The following C13orf42 variants were observed in gnomAD, a reference collection of about 807,000 sequenced individuals.
C13orf42 encodes chromosome 13 open reading frame 42.
chr13:51,103,310 C>T (rs2137993305), intron 1 of C13orf42, among the ~76,000 whole-genome samples: 1 of 152,180 alleles, frequency 6.6e-6, no homozygotes, highest in Non-Finnish European at 1.5e-5. Context: ...CAGGGAGGAC[C>T]CCAAATGCCA....
At chr13:51,151,559 A>C (rs2138038803) in intron 1 of C13orf42, among the ~76,000 whole-genome samples, 1 of 152,358 alleles carries the variant, frequency 6.6e-6, no homozygotes, top group South Asian at 2.1e-4. Flanking sequence ...TTGTTCCAGC[A>C]GTAATAGGAA....
chr13:51,140,917 G>A (rs955842090), intron 1 of C13orf42, among the ~76,000 whole-genome samples: 1 of 151,938 alleles, frequency 6.6e-6, no homozygotes, highest in Non-Finnish European at 1.5e-5. Flanking sequence ...ACCAGCTCGT[G>A]TTCATTTCTG....
At chr13:51,171,452 C>T (rs1953950765) in intron 1 of C13orf42, among the ~76,000 whole-genome samples, 2 of 152,000 alleles carry the variant, frequency 1.3e-5, no homozygotes, top group Non-Finnish European at 2.9e-5. Context: ...CTTTCCCTCC[C>T]GCCTGTCCCC....
chr13:51,083,563 C>G lies in C13orf42; in HGVS notation c.*588G>C, dbSNP rs1000710590. ...CTCGTGACATACCCCTTCCCTCACC[C>G]CATTGCCAGGGCATTAGCCTCATCT... On this transcript the variant is annotated 3_prime_UTR_variant, in exon 4 of 4. Transcript: ENST00000563710. 1.3e-5 allele frequency: 2 copies of G among 152,234 alleles called. No individual in the cohort carries two copies. The highest frequency in any genetic ancestry group is 2.9e-5 in the Non-Finnish European group (2 of 68,052). 9.4% of individuals were successfully genotyped at this position (152,234 alleles called of 1,614,324 possible). A position where few individuals can be genotyped will look rare whatever the true frequency, so the allele number is the denominator to read the frequency against.
At chr13:51,159,430 T>TA (rs1953847794) in intron 1 of C13orf42, among the ~76,000 whole-genome samples, 1 of 152,168 alleles carries the variant, frequency 6.6e-6, no homozygotes, top group Non-Finnish European at 1.5e-5. Flanking sequence ...TTTCCTTGAG[T>TA]CACTGAGCTT....
At chr13:51,100,828 C>G (rs576976227) in intron 1 of C13orf42, among the ~76,000 whole-genome samples, 1 of 152,130 alleles carries the variant, frequency 6.6e-6, no homozygotes, top group Non-Finnish European at 1.5e-5. Flanking sequence ...GGAATCTCTG[C>G]TAAAAAATGC....
intron 1 of C13orf42, among the ~76,000 whole-genome samples, chr13:51,089,236 A>C (rs1193125798): frequency 6.6e-6 from 1 of 152,180 alleles, no homozygotes; most frequent in African/African-American, 2.4e-5. Context: ...TACTACTAAG[A>C]AACATTTTTA....
chr13:51,118,050 C>T, intron 1 of C13orf42, among the ~76,000 whole-genome samples: 1 of 152,106 alleles, frequency 6.6e-6, no homozygotes, highest in East Asian at 1.9e-4. Context: ...CACAAGGTAC[C>T]CAGAGCTGCA....
rs568663510 is a variant in C13orf42 at position 51,132,310 on chromosome 13, G to A, written n.137-19088C>T. 1.2e-4 allele frequency among the ~76,000 whole-genome samples: 18 copies of A among 152,112 alleles called. 1 individual carries two copies. Among genetic ancestry groups the A allele is most frequent in the South Asian group, 8.3e-4 (4 of 4,814 alleles). The stretch of plus-strand genomic sequence containing the variant: ...ACAAAAATTAGCTTGACGTGGTGGC[G>A]TAATCCTAGCTACTCAGGAGGCTGA... On this transcript the variant is annotated intron_variant and non_coding_transcript_variant, in intron 1 of 4. Coordinates refer to the C13orf42 transcript ENST00000433280.
chr13:51,124,059 A>G (rs1411730957), intron 1 of C13orf42, among the ~76,000 whole-genome samples: 2 of 152,196 alleles, frequency 1.3e-5, no homozygotes, highest in East Asian at 3.8e-4. Flanking sequence ...CACTATTGTG[A>G]ACCTAGGATC....
At position 51,149,087 on chromosome 13, in the gene C13orf42, C is replaced by T. The variant is rs867218266; in HGVS notation, n.136+23166G>A. Among the ~76,000 whole-genome samples the T allele has an allele frequency of 3.9e-5, 6 of 152,218 alleles. 2 individuals are homozygous for T. In the Middle Eastern group the frequency reaches 0.02, roughly 518 times the overall value. The stretch of plus-strand genomic sequence containing the variant: ...CTTCTGCAGAGGCCTTCTTGTGCTC[C>T]ACAAGAAGGGCTGGGCAAGAATTTC... On this transcript the variant is annotated intron_variant and non_coding_transcript_variant, in intron 1 of 4. Coordinates refer to the C13orf42 transcript ENST00000433280.
intron 1 of C13orf42, among the ~76,000 whole-genome samples, chr13:51,107,118 G>A (rs1006022962): frequency 2.6e-5 from 4 of 152,100 alleles, no homozygotes; most frequent in South Asian, 2.1e-4. Context: ...TCCTCCCATC[G>A]ACCCACATGG....
intron 1 of C13orf42, among the ~76,000 whole-genome samples, chr13:51,138,440 G>A (rs1026689805): frequency 6.6e-6 from 1 of 151,930 alleles, no homozygotes; most frequent in Non-Finnish European, 1.5e-5. Flanking sequence ...GTCAAAAGAA[G>A]ACATGCATAT....
intron 2 of C13orf42, among the ~76,000 whole-genome samples, chr13:51,087,068 G>A (rs1395372567): frequency 6.6e-6 from 1 of 152,224 alleles, no homozygotes; most frequent in African/African-American, 2.4e-5. Context: ...GGGCCAGTGA[G>A]CCCCCTGAAT....
chr13:51,153,621 G>GTTTTTTTTTTTTTTTTGTTTGT (rs1202370498), intron 1 of C13orf42, among the ~76,000 whole-genome samples: 1 of 82,034 alleles, frequency 1.2e-5, no homozygotes, highest in African/African-American at 4.4e-5. Flanking sequence ...CTTGCTTTCT[G>GTTTTTTTTTTTTTTTTGTTTGT]TTTTTTTTCT....
At chr13:51,100,743 T>C (rs968188783) in intron 1 of C13orf42, among the ~76,000 whole-genome samples, 5 of 152,158 alleles carry the variant, frequency 3.3e-5, no homozygotes, top group African/African-American at 1.2e-4. Flanking sequence ...TGGTAAAATG[T>C]TTCTGGAAAG....
chr13:51,141,096 GT>G (rs1322871274), intron 1 of C13orf42, among the ~76,000 whole-genome samples: 67 of 5,864 alleles, frequency 0.011, 1 homozygote, highest in South Asian at 0.068. Context: ...TCGAAGGGAG[GT>G]GTGTGTGTGT....
rs538455450 is a variant in C13orf42 at position 51,155,479 on chromosome 13, A to ATTT, written n.136+16773_136+16774insAAA. On this transcript the variant is annotated intron_variant and non_coding_transcript_variant, in intron 1 of 4. Transcript: ENST00000433280. ...CAGGTGTATTTGTGTGAACTCTTCA[A>ATTT]GTATGAGCGCTGGAAACCCACTACA... 1.3e-3 allele frequency among the ~76,000 whole-genome samples: 204 copies of ATTT among 152,332 alleles called. 2 individuals carry two copies. In the East Asian group the frequency reaches 0.037, roughly 28 times the overall value.
intron 1 of C13orf42, among the ~76,000 whole-genome samples, chr13:51,167,227 C>A (rs1953909745): frequency 6.6e-6 from 1 of 152,158 alleles, no homozygotes; most frequent in South Asian, 2.1e-4. Flanking sequence ...CCAAAGGAAG[C>A]ACAAACACAT....
Sources: allele counts gnomAD v4.1 joint callset (sites outside exome capture counted in the v4.1 genomes callset), GRCh38; gene constraint gnomAD v4.1.1; transcripts MANE v1.5; gene names NCBI Gene and HGNC (gene_info 2026-07-23, HGNC 2026-07-21).